The following PARD3 variants were observed in gnomAD, a reference collection of about 807,000 sequenced individuals.
PARD3 encodes the protein par-3 family cell polarity regulator.
In PARD3, 75 loss-of-function variants were observed where a neutral mutation model predicts 155.4. That is an observed-to-expected ratio of 0.48 (90% CI 0.40 to 0.58). The LOEUF (loss-of-function observed/expected upper bound fraction) is 0.58. PARD3 is among the 20% of genes least tolerant of loss of function. The probability of loss-of-function intolerance (pLI) is 0.00; values close to 1 mark genes in which losing one functional copy is unlikely to be tolerated. For synonymous variants in PARD3, 576 were observed against 610.5 expected (o/e 0.94, Z 0.83); for missense variants, 1,642 against 1,721.7 (o/e 0.95, Z 0.82).
intron 2 of PARD3, among the ~76,000 whole-genome samples, chr10:34,627,191 A>G (rs954560588): frequency 2.0e-5 from 3 of 152,004 alleles, no homozygotes; most frequent in Middle Eastern, 3.2e-3. Flanking sequence ...CCACAACAAG[A>G]TAATTTTCAA....
At chr10:34,613,450 T>C (rs767870342) in intron 2 of PARD3, among the ~76,000 whole-genome samples, 21 of 152,208 alleles carry the variant, frequency 1.4e-4, no homozygotes, top group African/African-American at 5.1e-4. Flanking sequence ...GTAGGAATAA[T>C]AGAGCTATGT....
At chr10:34,368,358 C>T (rs113593257) in intron 12 of PARD3, among the ~76,000 whole-genome samples, 10 of 152,186 alleles carry the variant, frequency 6.6e-5, no homozygotes, top group African/African-American at 1.9e-4. Flanking sequence ...TAGAAGTTGG[C>T]GTCCGTATGG....
chr10:34,369,747 G>A (rs1315949123), intron 12 of PARD3, among the ~76,000 whole-genome samples: 1 of 152,164 alleles, frequency 6.6e-6, no homozygotes, highest in Non-Finnish European at 1.5e-5. Flanking sequence ...AATCAACCCT[G>A]AGAAAGCCCA....
At chr10:34,710,335 T>C in intron 1 of PARD3, among the ~76,000 whole-genome samples, 1 of 152,232 alleles carries the variant, frequency 6.6e-6, no homozygotes, top group East Asian at 1.9e-4. Context: ...CTGGCAGTGC[T>C]TGTCTATATT....
intron 22 of PARD3, among the ~76,000 whole-genome samples, chr10:34,186,277 T>C (rs1374325270): frequency 6.6e-6 from 1 of 151,570 alleles, no homozygotes; most frequent in Non-Finnish European, 1.5e-5. Context: ...GAGAGATGGC[T>C]TGAGCCCAGG....
intron 5 of PARD3, among the ~76,000 whole-genome samples, chr10:34,405,850 T>G (rs1320627257): frequency 6.6e-6 from 1 of 152,210 alleles, no homozygotes; most frequent in Non-Finnish European, 1.5e-5. Context: ...AGAAGAACCC[T>G]AGGCTTAGGG....
At chr10:34,474,709 G>A (rs926329569) in intron 3 of PARD3, among the ~76,000 whole-genome samples, 4 of 152,254 alleles carry the variant, frequency 2.6e-5, no homozygotes, top group African/African-American at 9.6e-5. Context: ...TCCTGAGCCA[G>A]TGCTCAATCA....
At chr10:34,769,866 TAC>T (rs66728770) in intron 1 of PARD3, among the ~76,000 whole-genome samples, 32,711 of 150,654 alleles carry the variant, frequency 0.22, 3,707 homozygotes, top group South Asian at 0.37. Flanking sequence ...CTCAAATTCA[TAC>T]ACACACACAC....
At chr10:34,529,454 G>A (rs1228775925) in intron 2 of PARD3, among the ~76,000 whole-genome samples, 2 of 152,138 alleles carry the variant, frequency 1.3e-5, no homozygotes, top group Non-Finnish European at 2.9e-5. Context: ...TCTCTAACAA[G>A]GACACATGTG....
intron 1 of PARD3, among the ~76,000 whole-genome samples, chr10:34,747,650 G>A (rs1176114912): frequency 6.6e-6 from 1 of 152,206 alleles, no homozygotes; most frequent in African/African-American, 2.4e-5. Context: ...GAGTCTCTGA[G>A]AGCTGGTGTC....
intron 3 of PARD3, among the ~76,000 whole-genome samples, chr10:34,515,153 T>TA (rs750856909): frequency 5.9e-5 from 9 of 152,142 alleles, no homozygotes; most frequent in Non-Finnish European, 8.8e-5. Flanking sequence ...AATGAACTAA[T>TA]AAAAAATCAA....
chr10:34,513,516 C>A (rs781704925), intron 3 of PARD3, among the ~76,000 whole-genome samples: 1 of 152,218 alleles, frequency 6.6e-6, no homozygotes, highest in Non-Finnish European at 1.5e-5. Context: ...CTCCTGACAT[C>A]ATGATTCGCC....
intron 22 of PARD3, among the ~76,000 whole-genome samples, chr10:34,166,436 G>T (rs58188267): frequency 1.3e-5 from 2 of 151,914 alleles, no homozygotes; most frequent in South Asian, 4.1e-4. Context: ...AACACAGTGA[G>T]ATCCTGTCTC....
At chr10:34,604,237 A>T (rs1464386521) in intron 2 of PARD3, among the ~76,000 whole-genome samples, 1 of 152,154 alleles carries the variant, frequency 6.6e-6, no homozygotes, top group Non-Finnish European at 1.5e-5. Flanking sequence ...GAGGGATGCG[A>T]AGTATGAACC....
At chr10:34,758,104 T>C (rs1836980693) in intron 1 of PARD3, among the ~76,000 whole-genome samples, 1 of 152,184 alleles carries the variant, frequency 6.6e-6, no homozygotes. Flanking sequence ...AACTATGAAA[T>C]GCTAGAAAAT....
At chr10:34,402,514 G>A (rs1167874269) in intron 5 of PARD3, among the ~76,000 whole-genome samples, 5 of 152,136 alleles carry the variant, frequency 3.3e-5, no homozygotes, top group African/African-American at 1.2e-4. Context: ...CCAATCGACT[G>A]ATTATTTAGA....
intron 19 of PARD3, among the ~76,000 whole-genome samples, chr10:34,318,599 C>A (rs529425434): frequency 6.6e-6 from 1 of 152,192 alleles, no homozygotes; most frequent in South Asian, 2.1e-4. Flanking sequence ...TATAATAAGA[C>A]CAGCTAAAAG....
intron 5 of PARD3, among the ~76,000 whole-genome samples, chr10:34,427,927 T>C (rs10827367): frequency 0.47 from 71,765 of 151,866 alleles, 20,370 homozygotes; most frequent in Non-Finnish European, 0.62. Context: ...AAACACACCA[T>C]ATCACCATGT....
intron 1 of PARD3, among the ~76,000 whole-genome samples, chr10:34,788,839 G>A (rs1205525404): frequency 6.6e-6 from 1 of 152,124 alleles, no homozygotes; most frequent in East Asian, 1.9e-4. Context: ...ATCACCTACT[G>A]ACCCAGGAGG....
Sources: allele counts gnomAD v4.1 joint callset (sites outside exome capture counted in the v4.1 genomes callset), GRCh38; gene constraint gnomAD v4.1.1; transcripts MANE v1.5; gene names NCBI Gene and HGNC (gene_info 2026-07-23, HGNC 2026-07-21).